Variants in LIPC observed in about 807,000 individuals in gnomAD.
LIPC encodes the protein lipase C, hepatic type, also known as hepatic triacylglycerol lipase.
LIPC carries 44 observed loss-of-function variants against 50.7 expected under a neutral mutation model. That is an observed-to-expected ratio of 0.87 (90% CI 0.68 to 1.11). The LOEUF (loss-of-function observed/expected upper bound fraction) is 1.11. Ranked by LOEUF, LIPC falls within the 50% of genes most tolerant of loss-of-function variation. LIPC has a pLI of 0.00. For synonymous variants in LIPC, 271 were observed against 256.4 expected (o/e 1.06, Z -0.54); for missense variants, 697 against 648.2 (o/e 1.08, Z -0.82).
At chr15:58,553,166 C>T (rs998357392) in intron 6 of LIPC, among the ~76,000 whole-genome samples, 3 of 152,186 alleles carry the variant, frequency 2.0e-5, no homozygotes, top group Admixed American at 1.3e-4. Context: ...TGGGCTCTGT[C>T]TATCCGTTGA....
chr15:58,509,152 C>T (rs1299606211), intron 1 of LIPC, among the ~76,000 whole-genome samples: 5 of 152,192 alleles, frequency 3.3e-5, no homozygotes, highest in Non-Finnish European at 7.3e-5. Flanking sequence ...ACATTCTCCT[C>T]AGTGTTGTCT....
intron 1 of LIPC, among the ~76,000 whole-genome samples, chr15:58,433,567 A>G (rs1893192527): frequency 6.6e-6 from 1 of 152,196 alleles, no homozygotes. Flanking sequence ...GTAGCATTCC[A>G]CTGCGGGACC....
At chr15:58,541,679 C>T (rs1458792605) in intron 2 of LIPC, 106 bp from the exon 3 acceptor site, 12 of 1,165,370 alleles carry the variant, frequency 1.0e-5, no homozygotes, top group Admixed American at 2.0e-5. Context: ...GGCTGAGAAA[C>T]GTCATAGCAA....
At chr15:58,469,684 C>T (rs1894714066) in intron 1 of LIPC, among the ~76,000 whole-genome samples, 1 of 152,202 alleles carries the variant, frequency 6.6e-6, no homozygotes, top group African/African-American at 2.4e-5. Flanking sequence ...GCTTTACAGC[C>T]CAGAGCAGAG....
chr15:58,518,828 G>A (rs1425148083), intron 1 of LIPC, among the ~76,000 whole-genome samples: 1 of 151,924 alleles, frequency 6.6e-6, no homozygotes, highest in African/African-American at 2.4e-5. Flanking sequence ...CTGGAGACAC[G>A]TTTCAGAGAA....
intron 1 of LIPC, among the ~76,000 whole-genome samples, chr15:58,457,356 C>G (rs777848621): frequency 6.6e-6 from 1 of 152,176 alleles, no homozygotes; most frequent in Non-Finnish European, 1.5e-5. Context: ...GTGATCTGCC[C>G]GCTTCAGCCT....
intron 4 of LIPC, among the ~76,000 whole-genome samples, chr15:58,543,582 G>A (rs921678911): frequency 6.6e-6 from 1 of 152,078 alleles, no homozygotes. Flanking sequence ...CCAAAACAAA[G>A]AGCATTTTAC....
At chr15:58,442,849 G>T (rs1396256830) in intron 1 of LIPC, among the ~76,000 whole-genome samples, 1 of 152,180 alleles carries the variant, frequency 6.6e-6, no homozygotes, top group Admixed American at 6.5e-5. Flanking sequence ...TACTTCTAGT[G>T]GTTCTGGTGT....
chr15:58,551,363 T>A (rs1893751880), intron 6 of LIPC, among the ~76,000 whole-genome samples: 1 of 152,212 alleles, frequency 6.6e-6, no homozygotes, highest in Non-Finnish European at 1.5e-5. Context: ...TAATGTTATG[T>A]TATCCAATGT....
chr15:58,514,587 G>A (rs1187837889), intron 1 of LIPC, among the ~76,000 whole-genome samples: 1 of 152,206 alleles, frequency 6.6e-6, no homozygotes, highest in Non-Finnish European at 1.5e-5. Context: ...ACTTTGGGAG[G>A]CCAAGGCGGG....
At position 58,494,740 on chromosome 15, in the gene LIPC, C is replaced by T. The variant is rs1430929420; in HGVS notation, c.89-43593C>T. On this transcript the variant is annotated intron_variant, in intron 1 of 8. Coordinates refer to ENST00000299022, the MANE Select transcript of LIPC (RefSeq NM_000236.3). ...AGCTTGGGTGGGATCTCTTTAATGA[C>T]CTGTTAAAACTGATTTATAGTTAGC... The T allele has an allele frequency of 8.8e-6, 4 of 455,586 alleles. No homozygotes were observed. In the East Asian group the frequency reaches 2.8e-4, roughly 32 times the overall value. The allele number at this position is 455,586 out of a possible 1,614,324, so 28.2% of individuals were successfully genotyped here. A position where few individuals can be genotyped will look rare whatever the true frequency, so the allele number is the denominator to read the frequency against.
intron 1 of LIPC, among the ~76,000 whole-genome samples, chr15:58,499,003 A>C (rs1195510288): frequency 1.3e-5 from 2 of 152,230 alleles, no homozygotes; most frequent in Non-Finnish European, 2.9e-5. Context: ...GGGCCTGTCA[A>C]CGGCCTTGCT....
Position 58,451,677 on chromosome 15 carries a change from A to G in LIPC, c.88+19557A>G, listed in dbSNP as rs1315191285. On this transcript the variant is annotated intron_variant, in intron 1 of 8. Transcript: ENST00000299022. Reference sequence around the variant, plus strand: ...CAACTTTACCCAAACAGGACTGATCAGGATCCACATGGGAGGTTCGCTCCT... The same window carrying G: ...CAACTTTACCCAAACAGGACTGATCGGGATCCACATGGGAGGTTCGCTCCT... 3.3e-5 allele frequency among the ~76,000 whole-genome samples: 5 copies of G among 152,354 alleles called. No individual in the cohort carries two copies. In the East Asian group the frequency reaches 7.7e-4, roughly 24 times the overall value.
intron 5 of LIPC, among the ~76,000 whole-genome samples, chr15:58,547,697 G>T (rs1893585422): frequency 1.3e-5 from 2 of 151,890 alleles, no homozygotes; most frequent in African/African-American, 4.8e-5. Context: ...TGGGGGTGAG[G>T]CCTGTCCAGA....
intron 1 of LIPC, among the ~76,000 whole-genome samples, chr15:58,526,817 A>T (rs943113464): frequency 1.3e-5 from 2 of 152,226 alleles, no homozygotes; most frequent in Non-Finnish European, 2.9e-5. Context: ...GTTCATCCTC[A>T]CTACCACCCA....
rs773510851 is a variant in LIPC at position 58,538,418 on chromosome 15, C to A, written c.174C>A (p.Thr58=). The A allele has an allele frequency of 6.2e-7, 1 of 1,614,118 alleles. No individual in the cohort carries two copies. The highest frequency in any genetic ancestry group is 1.7e-5 in the Admixed American group (1 of 60,014). ...CCAGATTCCTGCTCTTTGGAGAAAC[C>A]AATCAGGGCTGTCAGATTCGAATCA... ...MKTRFLLFGE[T]NQGCQIRINH... Residue 58 remains threonine, a synonymous_variant, in exon 2 of 9, where the codon ACC becomes ACA. Transcript: ENST00000299022.
intron 7 of LIPC, among the ~76,000 whole-genome samples, chr15:58,562,045 G>A (rs1894183208): frequency 6.6e-6 from 1 of 152,192 alleles, no homozygotes; most frequent in Admixed American, 6.5e-5. Context: ...ACCTGAGCTA[G>A]CTCTTACCTA....
chr15:58,495,076 A>G (rs1195894271), intron 1 of LIPC, among the ~76,000 whole-genome samples: 2 of 152,204 alleles, frequency 1.3e-5, no homozygotes, highest in African/African-American at 4.8e-5. Flanking sequence ...TTTAGAACAC[A>G]GAAGACTTTC....
At chr15:58,516,237 CTTTTTTTTTTTTTTT>C (rs11351202) in intron 1 of LIPC, among the ~76,000 whole-genome samples, 2 of 45,138 alleles carry the variant, frequency 4.4e-5, no homozygotes, top group Non-Finnish European at 8.3e-5. Context: ...CCTCTAGCTT[CTTTTTTTTTTTTTTT>C]TTTTTTTTTT....
Sources: gnomAD v4.1 joint callset for allele counts (sites outside exome capture counted in the v4.1 genomes callset) on GRCh38, gnomAD v4.1.1 for gene constraint, MANE v1.5 for transcripts, NCBI Gene and HGNC (gene_info 2026-07-23, HGNC 2026-07-21) for gene names.